Variants in RSRC1 observed in about 807,000 individuals in gnomAD.
The protein encoded by RSRC1 is arginine and serine rich coiled-coil 1.
Under a neutral mutation model 49.1 loss-of-function variants are expected in RSRC1, and 39 were observed. The ratio of observed to expected loss-of-function variants is 0.79; its 90% CI spans 0.61 to 1.04. RSRC1 has a LOEUF of 1.04. Ranked by LOEUF, RSRC1 falls within the 50% of genes least tolerant of loss-of-function variation. RSRC1 has a pLI of 0.00. For missense variants in RSRC1, 388 were observed against 402.4 expected, an observed-to-expected ratio of 0.96 and a Z score of 0.31; for synonymous variants, 143 against 130.8, an observed-to-expected ratio of 1.09 and a Z score of -0.63.
intron 4 of RSRC1, among the ~76,000 whole-genome samples, chr3:158,295,032 C>G (rs1015543848): frequency 6.6e-6 from 1 of 152,136 alleles, no homozygotes; most frequent in African/African-American, 2.4e-5. Flanking sequence ...GTTTTCACTT[C>G]ACTGGTGTAA....
intron 4 of RSRC1, among the ~76,000 whole-genome samples, chr3:158,256,728 A>G (rs1724582340): frequency 6.6e-6 from 1 of 152,152 alleles, no homozygotes; most frequent in African/African-American, 2.4e-5. Flanking sequence ...TAGGCTATTA[A>G]TTATTACCTC....
At chr3:158,437,494 C>A (rs765956182) in intron 6 of RSRC1, among the ~76,000 whole-genome samples, 5 of 152,224 alleles carry the variant, frequency 3.3e-5, no homozygotes, top group Admixed American at 2.6e-4. Context: ...CCCTGGGATG[C>A]AAGGCTGGTT....
chr3:158,483,421 T>TA (rs1259602468), intron 7 of RSRC1, among the ~76,000 whole-genome samples: 1 of 152,056 alleles, frequency 6.6e-6, no homozygotes, highest in Non-Finnish European at 1.5e-5. Context: ...TTGAATATGG[T>TA]AAAAATATAT....
At chr3:158,210,953 G>T (rs1721640340) in intron 4 of RSRC1, among the ~76,000 whole-genome samples, 2 of 151,868 alleles carry the variant, frequency 1.3e-5, no homozygotes, top group Non-Finnish European at 2.9e-5. Context: ...CTCTTTTTTG[G>T]TGATTGCTCG....
At chr3:158,229,775 G>C (rs1440300980) in intron 4 of RSRC1, among the ~76,000 whole-genome samples, 1 of 92,014 alleles carries the variant, frequency 1.1e-5, no homozygotes, top group Non-Finnish European at 2.2e-5. Context: ...AATTCTCTTT[G>C]TTTCTCTTGA....
chr3:158,517,214 A>G (rs1455493531), intron 7 of RSRC1, among the ~76,000 whole-genome samples: 2 of 152,204 alleles, frequency 1.3e-5, no homozygotes, highest in East Asian at 1.9e-4. Flanking sequence ...GGGCTGCTAT[A>G]TAGAAATGAA....
At position 158,288,178 on chromosome 3, in the gene RSRC1, C is replaced by T. The variant is rs547866678; in HGVS notation, c.495-9861C>T. Among the ~76,000 whole-genome samples, 27 of 152,272 alleles carry T rather than the reference C, an allele frequency of 1.8e-4. No homozygotes were observed. The South Asian group carries it at 5.6e-3, about 32-fold the overall frequency. ...GGTACTCTCCATACTTGAACACTGCCAGGTCATGCTGGACCTTTGAGCTCA... is the reference window on the plus strand; with the variant it reads ...GGTACTCTCCATACTTGAACACTGCTAGGTCATGCTGGACCTTTGAGCTCA... On this transcript the variant is annotated intron_variant, in intron 4 of 9. Transcript: ENST00000611884.
intron 4 of RSRC1, among the ~76,000 whole-genome samples, chr3:158,276,743 T>A (rs1725840307): frequency 6.6e-6 from 1 of 152,214 alleles, no homozygotes; most frequent in African/African-American, 2.4e-5. Context: ...TTCTCAACTT[T>A]TAGATTTAGC....
chr3:158,423,618 G>T (rs1017343216), intron 6 of RSRC1, among the ~76,000 whole-genome samples: 66 of 152,024 alleles, frequency 4.3e-4, no homozygotes, highest in East Asian at 1.9e-3. Context: ...GTGAAGAAAG[G>T]CATTGGTAGC....
At chr3:158,209,565 C>T (rs775098131) in intron 4 of RSRC1, among the ~76,000 whole-genome samples, 1 of 152,064 alleles carries the variant, frequency 6.6e-6, no homozygotes, top group African/African-American at 2.4e-5. Flanking sequence ...TTTTGTATTT[C>T]TAAGTGTGCC....
At chr3:158,500,427 T>C (rs553462780) in intron 7 of RSRC1, among the ~76,000 whole-genome samples, 1 of 152,292 alleles carries the variant, frequency 6.6e-6, no homozygotes, top group East Asian at 1.9e-4. Context: ...TGAGGAATAG[T>C]GTCAAAAGGA....
intron 3 of RSRC1, among the ~76,000 whole-genome samples, chr3:158,174,882 A>G (rs1044382297): frequency 3.3e-5 from 5 of 152,056 alleles, no homozygotes; most frequent in South Asian, 2.1e-4. Flanking sequence ...TGAAATTGCT[A>G]GATTATAGAA....
At chr3:158,282,284 A>G (rs150706972) in intron 4 of RSRC1, among the ~76,000 whole-genome samples, 2 of 152,322 alleles carry the variant, frequency 1.3e-5, no homozygotes, top group East Asian at 3.9e-4. Context: ...CAGATTTAAT[A>G]TTCTGTCTAT....
At chr3:158,404,303 T>G (rs1734042425) in intron 6 of RSRC1, among the ~76,000 whole-genome samples, 1 of 151,936 alleles carries the variant, frequency 6.6e-6, no homozygotes, top group Non-Finnish European at 1.5e-5. Context: ...CCTTTGGCAC[T>G]GACACATCCA....
chr3:158,515,907 T>C (rs1740496052), intron 7 of RSRC1, among the ~76,000 whole-genome samples: 1 of 151,952 alleles, frequency 6.6e-6, no homozygotes, highest in Non-Finnish European at 1.5e-5. Context: ...CTGAGGCTTC[T>C]GCATTCTTCA....
intron 6 of RSRC1, among the ~76,000 whole-genome samples, chr3:158,358,548 GT>G (rs1196208824): frequency 6.6e-6 from 1 of 151,972 alleles, no homozygotes; most frequent in African/African-American, 2.4e-5. Flanking sequence ...AGAACAGAGG[GT>G]TTTTTTAATC....
intron 6 of RSRC1, among the ~76,000 whole-genome samples, chr3:158,411,843 G>A (rs1734480354): frequency 6.6e-6 from 1 of 151,966 alleles, no homozygotes; most frequent in South Asian, 2.1e-4. Flanking sequence ...GGAGCTATTG[G>A]TATATCCTGG....
At chr3:158,544,094 T>C (rs117063830) in intron 9 of RSRC1, 89 bp from the exon 10 acceptor site, 30 of 822,244 alleles carry the variant, frequency 3.6e-5, no homozygotes, top group East Asian at 2.0e-4. Context: ...TTGAGAGATA[T>C]ATTCTACAAA....
chr3:158,496,229 G>T (rs1461659564), intron 7 of RSRC1, among the ~76,000 whole-genome samples: 1 of 152,084 alleles, frequency 6.6e-6, no homozygotes, highest in African/African-American at 2.4e-5. Flanking sequence ...TTATGTATTT[G>T]TCATATTTTT....
Sources: gnomAD v4.1 joint callset for allele counts (sites outside exome capture counted in the v4.1 genomes callset) on GRCh38, gnomAD v4.1.1 for gene constraint, MANE v1.5 for transcripts, NCBI Gene and HGNC (gene_info 2026-07-23, HGNC 2026-07-21) for gene names.